TFB1M: variants seen among roughly 807,000 people sequenced by gnomAD.
TFB1M encodes dimethyladenosine transferase 1, mitochondrial.
In TFB1M, 27 loss-of-function variants were observed where a neutral mutation model predicts 31.1. The observed-to-expected ratio is 0.87, with a 90% CI of 0.64 to 1.20. TFB1M has a LOEUF of 1.20. TFB1M is among the 50% of genes most tolerant of loss of function. The pLI is 0.00. For synonymous variants in TFB1M, 166 were observed against 151.8 expected, an observed-to-expected ratio of 1.09 and a Z score of -0.69; for missense variants, 394 against 418.7, an observed-to-expected ratio of 0.94 and a Z score of 0.51.
intron 4 of TFB1M, among the ~76,000 whole-genome samples, chr6:155,287,313 T>A (rs1476158834): frequency 1.3e-5 from 2 of 152,126 alleles, no homozygotes; most frequent in Admixed American, 6.5e-5. Flanking sequence ...CGTACATACA[T>A]ACTTACACGG....
intron 5 of TFB1M, chr6:155,275,709 A>G (rs1785158731): frequency 6.2e-7 from 1 of 1,606,688 alleles, no homozygotes; most frequent in Non-Finnish European, 8.5e-7. Context: ...GACAGACTTA[A>G]CAGTAACATC....
chr6:155,243,973 C>T, the TFB1M span: 1 of 1,528,538 alleles, frequency 6.5e-7, no homozygotes, highest in East Asian at 2.5e-5. Context: ...ATTTTGGAGA[C>T]TAAAGCGTTG....
At chr6:155,314,085 C>T in intron 1 of TFB1M, 2 of 1,444,738 alleles carry the variant, frequency 1.4e-6, no homozygotes, top group Non-Finnish European at 1.8e-6. Flanking sequence ...TACACCCCCC[C>T]GAACGCGGAG....
intron 2 of TFB1M, among the ~76,000 whole-genome samples, chr6:155,304,107 C>G (rs1347691010): frequency 6.6e-6 from 1 of 151,998 alleles, no homozygotes; most frequent in Admixed American, 6.6e-5. Context: ...ATGATGAAAC[C>G]CAGTCTCTAT....
Position 155,267,037 on chromosome 6 carries a change from T to C in TFB1M, c.667-6637A>G, listed in dbSNP as rs186538055. ...CAGGCTGGAGTGCAGTGCAGTGGCATGATCTCGGCTCACTGCAACCTCCAC... is the reference window on the plus strand; with the variant it reads ...CAGGCTGGAGTGCAGTGCAGTGGCACGATCTCGGCTCACTGCAACCTCCAC... On this transcript the variant is annotated intron_variant, in intron 5 of 6. Coordinates refer to ENST00000367166, the MANE Select transcript of TFB1M (RefSeq NM_016020.4). Among the ~76,000 whole-genome samples the C allele has an allele frequency of 4.1e-3, 612 of 148,780 alleles. 6 individuals are homozygous for C. Among genetic ancestry groups the C allele is most frequent in the Admixed American group, 7.7e-3 (115 of 14,908 alleles).
intron 1 of TFB1M, among the ~76,000 whole-genome samples, chr6:155,311,704 T>C (rs1219755995): frequency 6.6e-6 from 1 of 152,224 alleles, no homozygotes; most frequent in African/African-American, 2.4e-5. Flanking sequence ...CACTTTTCTA[T>C]AGTTATTGAA....
intron 5 of TFB1M, among the ~76,000 whole-genome samples, chr6:155,265,263 C>T (rs767040765): frequency 3.9e-5 from 6 of 152,232 alleles, no homozygotes; most frequent in African/African-American, 7.2e-5. Flanking sequence ...TCCTGAGCAA[C>T]TCCCGTCCCT....
chr6:155,305,025 T>C (rs1777605651), intron 2 of TFB1M, among the ~76,000 whole-genome samples: 2 of 146,602 alleles, frequency 1.4e-5, no homozygotes, highest in African/African-American at 5.0e-5. Context: ...TACCTCACAC[T>C]ATATGCAAGA....
chr6:155,234,939 G>T, the TFB1M span, among the ~76,000 whole-genome samples: 1 of 152,240 alleles, frequency 6.6e-6, no homozygotes, highest in African/African-American at 2.4e-5. Flanking sequence ...TAAATACCTG[G>T]GAGTGGCAGG....
chr6:155,296,695 C>T (rs1031819087), intron 4 of TFB1M, among the ~76,000 whole-genome samples: 2 of 152,154 alleles, frequency 1.3e-5, no homozygotes, highest in Non-Finnish European at 2.9e-5. Flanking sequence ...CCAGTGGCAT[C>T]GATGGCTGTT....
intron 5 of TFB1M, among the ~76,000 whole-genome samples, chr6:155,261,299 T>C (rs1784383148): frequency 6.6e-6 from 1 of 152,214 alleles, no homozygotes. Context: ...TTAAACTTGT[T>C]AATGAGGATC....
At chr6:155,276,211 C>A (rs1785204340) in intron 5 of TFB1M, 1 of 1,613,980 alleles carries the variant, frequency 6.2e-7, no homozygotes, top group Non-Finnish European at 8.5e-7. Flanking sequence ...GAGGAGCTAT[C>A]TATATCGGAT....
chr6:155,257,202 A>AC lies in TFB1M; in HGVS notation c.*633_*634insG. On this transcript the variant is annotated 3_prime_UTR_variant, in exon 7 of 7. Transcript: ENST00000367166. ...AAAGTGGAAATTGCAAAAAAAAAAA[A>AC]AAAAAAAAACTGTTCATTCCTGGGT... The AC allele has an allele frequency of 1.4e-6, 2 of 1,428,016 alleles. No individual in the cohort carries two copies. Among genetic ancestry groups the AC allele is most frequent in the Admixed American group, 2.2e-5 (1 of 45,706 alleles). The allele number at this position is 1,428,016 out of a possible 1,614,324, so 88.5% of individuals were successfully genotyped here.
intron 4 of TFB1M, among the ~76,000 whole-genome samples, chr6:155,290,525 T>C (rs1776869087): frequency 1.3e-5 from 2 of 152,036 alleles, no homozygotes; most frequent in Admixed American, 1.3e-4. Flanking sequence ...CCATAAATTA[T>C]AGACTCTATA....
At chr6:155,313,779 T>C (rs1173390786) in intron 1 of TFB1M, among the ~76,000 whole-genome samples, 1 of 152,122 alleles carries the variant, frequency 6.6e-6, no homozygotes, top group African/African-American at 2.4e-5. Flanking sequence ...TTGTGTAATA[T>C]GTACTTATGA....
chr6:155,267,266 C>T (rs183323366), intron 5 of TFB1M, among the ~76,000 whole-genome samples: 1 of 152,346 alleles, frequency 6.6e-6, no homozygotes, highest in African/African-American at 2.4e-5. Flanking sequence ...TGAGCCACCA[C>T]ACCTGGCCGT....
Position 155,256,584 on chromosome 6 carries a change from G to A in TFB1M, c.*1252C>T. ...TGCTGGACTCTGACGAGGGCAGCTT[G>A]AGCAGCGGCACCCAGAGCAGCGGCT... is the stretch of plus-strand genomic sequence containing the variant. On this transcript the variant is annotated 3_prime_UTR_variant, in exon 7 of 7. Transcript: ENST00000367166. 6.2e-7 allele frequency: 1 copy of A among 1,614,052 alleles called. No homozygotes were observed. Among genetic ancestry groups the A allele is most frequent in the Non-Finnish European group, 8.5e-7 (1 of 1,179,938 alleles).
chr6:155,250,455 A>T, the TFB1M span: 1 of 1,143,232 alleles, frequency 8.7e-7, no homozygotes, highest in Non-Finnish European at 1.2e-6. Context: ...AGCATAGTTT[A>T]GGGAGAAAAT....
intron 4 of TFB1M, among the ~76,000 whole-genome samples, chr6:155,291,029 CCTG>C (rs1776898938): frequency 6.6e-6 from 1 of 152,034 alleles, no homozygotes; most frequent in African/African-American, 2.4e-5. Flanking sequence ...AAGGTGTTTC[CCTG>C]AGTTTTTGAG....
Sources: gnomAD v4.1 joint callset for allele counts (sites outside exome capture counted in the v4.1 genomes callset) on GRCh38, gnomAD v4.1.1 for gene constraint, MANE v1.5 for transcripts, NCBI Gene and HGNC (gene_info 2026-07-23, HGNC 2026-07-21) for gene names.